Variants in TRPC1 observed in about 807,000 individuals in gnomAD.
The protein encoded by TRPC1 is transient receptor potential cation channel subfamily C member 1, also known as short transient receptor potential channel 1.
In TRPC1, 42 loss-of-function variants were observed where a neutral mutation model predicts 88.2. That is an observed-to-expected ratio of 0.48 (90% CI 0.37 to 0.62). The LOEUF (loss-of-function observed/expected upper bound fraction) is 0.62. Among genes scored for constraint, TRPC1 ranks in the 20% least tolerant of loss-of-function variants. The probability of loss-of-function intolerance (pLI) is 0.00; values close to 1 mark genes in which losing one functional copy is unlikely to be tolerated. For missense variants in TRPC1, 699 were observed against 957.3 expected, an observed-to-expected ratio of 0.73 and a Z score of 3.56; for synonymous variants, 288 against 331.8, an observed-to-expected ratio of 0.87 and a Z score of 1.43.
chr3:142,786,978 T>C (rs1351708818), intron 7 of TRPC1, among the ~76,000 whole-genome samples: 5 of 152,204 alleles, frequency 3.3e-5, no homozygotes, highest in Admixed American at 6.5e-5. Flanking sequence ...GCATAAATAT[T>C]ACTGCTGTCC....
chr3:142,800,050 A>G (rs1038168645), intron 9 of TRPC1, among the ~76,000 whole-genome samples: 14 of 152,168 alleles, frequency 9.2e-5, no homozygotes, highest in Non-Finnish European at 2.1e-4. Context: ...AGTTATCAAA[A>G]GCAGTTACTG....
At chr3:142,743,624 A>G in intron 3 of TRPC1, 38 bp downstream of exon 3, 1 of 1,351,240 alleles carries the variant, frequency 7.4e-7, no homozygotes, top group Non-Finnish European at 9.7e-7. Context: ...TGGATTTTTA[A>G]ACCAAAATAG....
chr3:142,739,022 A>G (rs1320550470), intron 2 of TRPC1, among the ~76,000 whole-genome samples: 1 of 152,044 alleles, frequency 6.6e-6, no homozygotes, highest in East Asian at 1.9e-4. Context: ...CCCAGGCTGG[A>G]GTGCAATGGC....
At chr3:142,759,036 T>C (rs1317867596) in intron 4 of TRPC1, among the ~76,000 whole-genome samples, 1 of 152,184 alleles carries the variant, frequency 6.6e-6, no homozygotes, top group Non-Finnish European at 1.5e-5. Flanking sequence ...TAGTATTCCA[T>C]GGTGTATATG....
chr3:142,740,243 G>A (rs368791281), intron 2 of TRPC1, among the ~76,000 whole-genome samples: 2 of 152,200 alleles, frequency 1.3e-5, no homozygotes, highest in East Asian at 1.9e-4. Flanking sequence ...AAGGAGTCCA[G>A]GATGATTTGG....
Position 142,776,152 on chromosome 3 carries a change from T to C in TRPC1, c.633-1480T>C, listed in dbSNP as rs1935761459. On this transcript the variant is annotated intron_variant, in intron 4 of 12. Coordinates refer to ENST00000476941, the MANE Select transcript of TRPC1 (RefSeq NM_001251845.2). This position sits in a 1 kb window ranked among gnomAD's most constrained non-coding sequence, Gnocchi z 4.1. ...AGAGATTCATGATATGTTACACTTTTTAAAAAGCAAGCTGTTCCTTTATTA... is the reference window on the plus strand; with the variant it reads ...AGAGATTCATGATATGTTACACTTTCTAAAAAGCAAGCTGTTCCTTTATTA... Among the ~76,000 whole-genome samples the C allele has an allele frequency of 6.6e-6, 1 of 152,162 alleles. No homozygotes were observed. The highest frequency in any genetic ancestry group is 1.5e-5 in the Non-Finnish European group (1 of 68,032).
chr3:142,788,303 T>G (rs564613231), intron 7 of TRPC1, among the ~76,000 whole-genome samples: 2 of 151,792 alleles, frequency 1.3e-5, no homozygotes, highest in East Asian at 3.9e-4. Context: ...ACCTTGGACT[T>G]AGGGTGATTG....
At chr3:142,769,702 T>G (rs1168321646) in intron 4 of TRPC1, among the ~76,000 whole-genome samples, 1 of 152,216 alleles carries the variant, frequency 6.6e-6, no homozygotes, top group Non-Finnish European at 1.5e-5. Context: ...TTCTTGTTAT[T>G]GATTTCTAAT....
intron 12 of TRPC1, 91 bp downstream of exon 12, chr3:142,804,721 A>G (rs1288195152): frequency 2.4e-6 from 3 of 1,264,188 alleles, no homozygotes; most frequent in East Asian, 2.5e-5. Flanking sequence ...CAGGTTCCCT[A>G]AGGGCTGTGA....
At chr3:142,764,774 C>G (rs1935326505) in intron 4 of TRPC1, among the ~76,000 whole-genome samples, 1 of 152,054 alleles carries the variant, frequency 6.6e-6, no homozygotes, top group African/African-American at 2.4e-5. Context: ...TAAGACCTTC[C>G]TGTACGTGGA....
chr3:142,783,001 G>T (rs1936012184), intron 6 of TRPC1, among the ~76,000 whole-genome samples: 1 of 152,168 alleles, frequency 6.6e-6, no homozygotes, highest in Non-Finnish European at 1.5e-5. Context: ...CATCACCTCT[G>T]TTAGAATCTA....
chr3:142,736,468 G>A lies in TRPC1; in HGVS notation c.262G>A (p.Val88Ile), dbSNP rs1430579833. 1.9e-6 allele frequency: 3 copies of A among 1,612,638 alleles called. No individual in the cohort carries two copies. In the African/African-American group the frequency reaches 4.0e-5, roughly 22 times the overall value. Reference protein sequence around the residue: ...NCVDVLGRNAVTITIENENLD... With the variant: ...NCVDVLGRNAITITIENENLD... The stretch of plus-strand genomic sequence containing the variant: ...CGTAGATGTGCTTGGGAGAAATGCT[G>A]TTACCATAACTATTGAAAACGAAAA... Residue 88 changes from valine to isoleucine, a missense_variant, in exon 2 of 13, where the codon GTT becomes ATT. Val to Ile is a conservative substitution (Grantham distance 29, BLOSUM62 3). This residue lies in a region of TRPC1 where 157 missense variants were observed against 127.0 expected (regional missense o/e 1.24). Coordinates refer to ENST00000476941, the MANE Select transcript of TRPC1 (RefSeq NM_001251845.2).
chr3:142,787,242 T>C (rs1424975734), intron 7 of TRPC1, among the ~76,000 whole-genome samples: 1 of 152,234 alleles, frequency 6.6e-6, no homozygotes, highest in African/African-American at 2.4e-5. Flanking sequence ...GGAAGTCTTC[T>C]TAAGCCTTTT....
intron 1 of TRPC1, among the ~76,000 whole-genome samples, chr3:142,726,275 G>C (rs1933667074): frequency 6.6e-6 from 1 of 152,184 alleles, no homozygotes; most frequent in South Asian, 2.1e-4. Flanking sequence ...CTGTCAAACT[G>C]AGGACAGAAA....
At chr3:142,781,530 A>G (rs1935957151) in intron 6 of TRPC1, among the ~76,000 whole-genome samples, 1 of 152,118 alleles carries the variant, frequency 6.6e-6, no homozygotes, top group Non-Finnish European at 1.5e-5. Context: ...TTTATAATTC[A>G]TTGTGAAACT....
intron 4 of TRPC1, among the ~76,000 whole-genome samples, chr3:142,764,840 GTTAT>G (rs1272588837): frequency 6.6e-6 from 1 of 152,118 alleles, no homozygotes; most frequent in Non-Finnish European, 1.5e-5. Context: ...CTTTGAATAA[GTTAT>G]TTATCCCTTG....
intron 12 of TRPC1, among the ~76,000 whole-genome samples, chr3:142,805,115 AACAAATAT>A (rs758046123): frequency 9.4e-5 from 10 of 106,850 alleles, no homozygotes; most frequent in South Asian, 2.8e-4. Context: ...CAAACAAACA[AACAAATAT>A]ATATATACAC....
chr3:142,735,443 A>G (rs1476899574), intron 1 of TRPC1, among the ~76,000 whole-genome samples: 2 of 152,174 alleles, frequency 1.3e-5, no homozygotes, highest in Admixed American at 1.3e-4. Flanking sequence ...TGACTTATTT[A>G]TCTATTGTTT....
Position 142,724,878 on chromosome 3 carries a change from C to T in TRPC1, c.172+147C>T, listed in dbSNP as rs374132468. 563 of 918,426 alleles carry T rather than the reference C, an allele frequency of 6.1e-4. 7 individuals carry two copies. The East Asian group carries it at 0.013, about 21-fold the overall frequency. 56.9% of individuals were successfully genotyped at this position (918,426 alleles called of 1,614,324 possible). On this transcript the variant is annotated intron_variant, in intron 1 of 12. Transcript: ENST00000476941. The surrounding 1 kb of genome is among the most constrained non-coding windows in gnomAD (Gnocchi z 5.6). ...CGCCTGCTGCCTCAGGCGGTCTTCT[C>T]CTCACCGCCTCTGCCCTGTGAGTGT... is the stretch of plus-strand genomic sequence containing the variant.
Sources: gnomAD v4.1 joint callset for allele counts (sites outside exome capture counted in the v4.1 genomes callset) on GRCh38, gnomAD v4.1.1 for gene constraint, gnomAD v4.1.1 regional missense constraint, Gnocchi (gnomAD v3.1) non-coding constraint, MANE v1.5 for transcripts, NCBI Gene and HGNC (gene_info 2026-07-23, HGNC 2026-07-21) for gene names.